Variants in TFB2M observed in about 807,000 individuals in gnomAD.
TFB2M encodes the protein dimethyladenosine transferase 2, mitochondrial.
TFB2M carries 44 observed loss-of-function variants against 41.3 expected under a neutral mutation model. The ratio of observed to expected loss-of-function variants is 1.07; its 90% CI spans 0.84 to 1.37. The LOEUF (loss-of-function observed/expected upper bound fraction) is 1.37, where lower values mean the gene tolerates loss of function less well. Among genes scored for constraint, TFB2M ranks in the 40% most tolerant of loss-of-function variants. The probability of loss-of-function intolerance (pLI) is 0.00; values close to 1 mark genes in which losing one functional copy is unlikely to be tolerated. For synonymous variants in TFB2M, 188 were observed against 176.8 expected (o/e 1.06, Z -0.50); for missense variants, 496 against 490.2 (o/e 1.01, Z -0.11).
rs763087336 is a variant in TFB2M at position 246,551,318 on chromosome 1, T to TAA, written c.706-18_706-17dup. 3 of 1,544,304 alleles carry TAA rather than the reference T, an allele frequency of 1.9e-6. No individual in the cohort carries two copies. ...CCATTAGTTTCTAGTAAAAGGAAAA[T>TAA]AAAAATTACATGTTATACACATCTA... On this transcript the variant is annotated splice_polypyrimidine_tract_variant and intron_variant, in intron 4 of 7. Transcript: ENST00000366514.
chr1:246,562,223 T>A (rs542432097), intron 2 of TFB2M, among the ~76,000 whole-genome samples: 3 of 152,230 alleles, frequency 2.0e-5, no homozygotes, highest in Admixed American at 2.0e-4. Context: ...TTCTGCATGG[T>A]TTCACAAAGT....
At position 246,557,384 on chromosome 1, in the gene TFB2M, C is replaced by T; in HGVS notation, c.553G>A (p.Ala185Thr). The T allele has an allele frequency of 6.2e-7, 1 of 1,608,896 alleles. No individual in the cohort carries two copies. The highest frequency in any genetic ancestry group is 8.5e-7 in the Non-Finnish European group (1 of 1,178,532). The stretch of plus-strand genomic sequence containing the variant: ...TTTAGTAAATTCCAAAAATGACCTG[C>T]TGTCCAAGGAACTGCTTCTATTCCC... ...NLGIEAVPWT[A>T]DIPLKVVGMF... The change falls in exon 3 of 8, where the codon GCA (alanine) becomes ACA (threonine). Residue 185 changes from alanine (A) to threonine (T), a missense_variant. Coordinates refer to ENST00000366514, the MANE Select transcript of TFB2M (RefSeq NM_022366.3).
intron 2 of TFB2M, among the ~76,000 whole-genome samples, chr1:246,560,969 C>T (rs111342622): frequency 6.6e-5 from 10 of 152,182 alleles, no homozygotes; most frequent in South Asian, 2.1e-4. Flanking sequence ...AAAAATTCGT[C>T]GGTCGTGGTG....
intron 6 of TFB2M, among the ~76,000 whole-genome samples, chr1:246,546,650 A>C (rs1457301223): frequency 6.6e-6 from 1 of 151,744 alleles, no homozygotes; most frequent in African/African-American, 2.4e-5. Flanking sequence ...AAAAGGAAAA[A>C]AAAAAAAACC....
At chr1:246,558,109 G>T (rs192678569) in intron 2 of TFB2M, among the ~76,000 whole-genome samples, 12 of 150,244 alleles carry the variant, frequency 8.0e-5, no homozygotes, top group Admixed American at 3.3e-4. Context: ...CCAAGAAAAA[G>T]CCCCCCAAAC....
chr1:246,552,050 A>T (rs942617614), intron 4 of TFB2M, among the ~76,000 whole-genome samples: 2 of 152,196 alleles, frequency 1.3e-5, no homozygotes, highest in African/African-American at 4.8e-5. Context: ...AAAAATCTTA[A>T]TCTTCTTTGA....
Position 246,566,085 on chromosome 1 carries a change from C to T in TFB2M, c.54G>A (p.Ala18=). 6.2e-7 allele frequency: 1 copy of T among 1,613,086 alleles called. No homozygotes were observed. The highest frequency in any genetic ancestry group is 8.5e-7 in the Non-Finnish European group (1 of 1,179,264). ...CTAAAATGCAAAAGCGACCAGCGCC[C>T]GCCAAGGCGGAGAGCCTCAGCCGCC... The part of the protein sequence containing the change: ...LPRRLRLSAL[A]GAGRFCILGS... The change falls in exon 1 of 8, where the codon GCG becomes GCA. Residue 18 remains alanine (A), a synonymous_variant. Coordinates refer to ENST00000366514, the MANE Select transcript of TFB2M (RefSeq NM_022366.3).
At chr1:246,561,561 G>A (rs979484962) in intron 2 of TFB2M, among the ~76,000 whole-genome samples, 14 of 151,888 alleles carry the variant, frequency 9.2e-5, no homozygotes, top group Admixed American at 4.6e-4. Context: ...TCCACCTACC[G>A]GGTTCAAGTG....
rs745643388 is a variant in TFB2M at position 246,566,050 on chromosome 1, G to A, written c.89C>T (p.Ala30Val). ...AGRFCILGSE[A>V]ATRKHLPARN... is the part of the protein sequence containing the mutation. ...CGCCGGCAAATGCTTTCGCGTCGCCGCTTCAGACCCTAAAATGCAAAAGCG... is the reference window on the plus strand; with the variant it reads ...CGCCGGCAAATGCTTTCGCGTCGCCACTTCAGACCCTAAAATGCAAAAGCG... Residue 30 changes from alanine to valine, a missense_variant, in exon 1 of 8, where the codon GCG becomes GTG. Transcript: ENST00000366514. The A allele has an allele frequency of 5.6e-6, 9 of 1,614,122 alleles. No individual in the cohort carries two copies. Among genetic ancestry groups the A allele is most frequent in the Non-Finnish European group, 6.8e-6 (8 of 1,180,024 alleles).
At position 246,557,557 on chromosome 1, in the gene TFB2M, C is replaced by T. The variant is rs146657311; in HGVS notation, c.403-23G>A. 142 of 1,538,628 alleles carry T rather than the reference C, an allele frequency of 9.2e-5. 2 individuals carry two copies. Among genetic ancestry groups the T allele is most frequent in the South Asian group, 8.1e-4 (63 of 78,222 alleles). ...GGACTAAAGAGAGACAAAGATAACA[C>T]GTTAAAAATTTTCAGCATTAAGTAT... On this transcript the variant is annotated intron_variant, in intron 2 of 7. Transcript: ENST00000366514.
At chr1:246,542,947 G>T (rs141108322) in intron 7 of TFB2M, among the ~76,000 whole-genome samples, 13 of 138,850 alleles carry the variant, frequency 9.4e-5, no homozygotes, top group Non-Finnish European at 1.8e-4. Flanking sequence ...TGTCACCCAG[G>T]CTCATCTCAA....
Position 246,564,408 on chromosome 1 carries a change from G to C in TFB2M, c.340C>G (p.Leu114Val). The C allele has an allele frequency of 6.2e-7, 1 of 1,614,156 alleles. No homozygotes were observed. Among genetic ancestry groups the C allele is most frequent in the Non-Finnish European group, 8.5e-7 (1 of 1,179,994 alleles). The change falls in exon 2 of 8, where the codon CTT becomes GTT. Residue 114 changes from leucine (L) to valine (V), a missense_variant. Coordinates refer to ENST00000366514, the MANE Select transcript of TFB2M (RefSeq NM_022366.3). ...GCAACCACTTTGGCACCAGCTTCAA[G>C]TAATGCCTGAGTCAGGATTCCAGGA... ...PGPGILTQAL[L>V]EAGAKVVALE... is the part of the protein sequence containing the mutation.
intron 7 of TFB2M, among the ~76,000 whole-genome samples, chr1:246,542,179 G>T (rs1293228384): frequency 6.6e-6 from 1 of 151,648 alleles, no homozygotes; most frequent in Non-Finnish European, 1.5e-5. Context: ...GACCACTATT[G>T]TACATTTGGT....
intron 4 of TFB2M, among the ~76,000 whole-genome samples, chr1:246,555,221 C>G (rs1477042081): frequency 1.3e-5 from 2 of 152,176 alleles, no homozygotes; most frequent in Non-Finnish European, 2.9e-5. Context: ...AATCGGAACC[C>G]TTGTGCACTG....
In TFB2M at chr1:246,557,380, C is replaced by A; in HGVS notation, c.556+1G>T. ...TTGCTTTAGTAAATTCCAAAAATGA[C>A]CTGCTGTCCAAGGAACTGCTTCTAT... On this transcript the variant is annotated splice_donor_variant, in intron 3 of 7. Transcript: ENST00000366514. LOFTEE classifies it high-confidence loss of function. The A allele has an allele frequency of 6.2e-7, 1 of 1,608,488 alleles. No homozygotes were observed. The highest frequency in any genetic ancestry group is 8.5e-7 in the Non-Finnish European group (1 of 1,178,508).
At chr1:246,565,426 G>A (rs1382964948) in intron 1 of TFB2M, among the ~76,000 whole-genome samples, 1 of 152,166 alleles carries the variant, frequency 6.6e-6, no homozygotes, top group Non-Finnish European at 1.5e-5. Flanking sequence ...ACAAAGACCC[G>A]TATCTGGACG....
intron 6 of TFB2M, among the ~76,000 whole-genome samples, chr1:246,546,983 A>ACACTT (rs764498048): frequency 1.1e-4 from 14 of 127,178 alleles, no homozygotes; most frequent in Non-Finnish European, 9.9e-5. Flanking sequence ...ACACACACAC[A>ACACTT]TTTTTTTTTT....
intron 1 of TFB2M, 92 bp downstream of exon 1, chr1:246,565,733 GA>G (rs1030487119): frequency 7.4e-7 from 1 of 1,351,868 alleles, no homozygotes; most frequent in African/African-American, 1.5e-5. Flanking sequence ...CAACAAAAAA[GA>G]CCCCCCAGTA....
At position 246,566,235 on chromosome 1, in the gene TFB2M, G is replaced by A. The variant is rs539245068; in HGVS notation, c.-97C>T. 1 of 1,296,216 alleles carries A rather than the reference G, an allele frequency of 7.7e-7. No individual in the cohort carries two copies. The highest frequency in any genetic ancestry group is 1.5e-5 in the African/African-American group (1 of 67,220). The allele number at this position is 1,296,216 out of a possible 1,614,324, so 80.3% of individuals were successfully genotyped here. A position where few individuals can be genotyped will look rare whatever the true frequency, so the allele number is the denominator to read the frequency against. On this transcript the variant is annotated 5_prime_UTR_variant, in exon 1 of 8. Coordinates refer to ENST00000366514, the MANE Select transcript of TFB2M (RefSeq NM_022366.3). The stretch of plus-strand genomic sequence containing the variant: ...CCACGTGGAACATTTTCTGGCGTCC[G>A]GGCCAGGTCAAGCGGAAGTAAACAC...
Sources: allele counts gnomAD v4.1 joint callset (sites outside exome capture counted in the v4.1 genomes callset), GRCh38; gene constraint gnomAD v4.1.1; transcripts MANE v1.5; gene names NCBI Gene and HGNC (gene_info 2026-07-23, HGNC 2026-07-21).